TATDN1: variants seen among roughly 807,000 people sequenced by gnomAD.
TATDN1 encodes deoxyribonuclease TATDN1.
TATDN1 carries 40 observed loss-of-function variants against 46.4 expected under a neutral mutation model. The observed-to-expected ratio is 0.86, with a 90% confidence interval of 0.67 to 1.12. TATDN1 has a LOEUF of 1.12. TATDN1 is among the 50% of genes most tolerant of loss of function. The probability of loss-of-function intolerance (pLI) is 0.00; values close to 1 mark genes in which losing one functional copy is unlikely to be tolerated. For synonymous variants in TATDN1, 95 were observed against 105.6 expected (o/e 0.90, Z 0.62); for missense variants, 326 against 348.4 (o/e 0.94, Z 0.51).
At chr8:124,510,079 T>TA (rs1818879383) in intron 6 of TATDN1, among the ~76,000 whole-genome samples, 1 of 151,740 alleles carries the variant, frequency 6.6e-6, no homozygotes, top group Admixed American at 6.6e-5. Context: ...ATAGTCTTCC[T>TA]AAAATAGGTC....
intron 9 of TATDN1, among the ~76,000 whole-genome samples, chr8:124,500,201 A>T (rs920319507): frequency 6.6e-6 from 1 of 152,214 alleles, no homozygotes; most frequent in Non-Finnish European, 1.5e-5. Flanking sequence ...CAAAGACTTT[A>T]TGTAATATGC....
At position 124,515,250 on chromosome 8, in the gene TATDN1, A is replaced by G. The variant is rs552812629; in HGVS notation, c.389+496T>C. Among the ~76,000 whole-genome samples the G allele has an allele frequency of 1.1e-4, 17 of 152,272 alleles. No homozygotes were observed. The South Asian group carries it at 3.5e-3, about 32-fold the overall frequency. On this transcript the variant is annotated intron_variant, in intron 6 of 11. Coordinates refer to ENST00000276692, the MANE Select transcript of TATDN1 (RefSeq NM_032026.4). Reference sequence around the variant, plus strand: ...ATAAAAATTAGCCGGGCATGGTGGCACATGCCTGTAATCCCAGCTACTCGG... The same window carrying G: ...ATAAAAATTAGCCGGGCATGGTGGCGCATGCCTGTAATCCCAGCTACTCGG...
At chr8:124,491,745 A>G (rs565551052) in intron 11 of TATDN1, 2 of 152,336 alleles carry the variant, frequency 1.3e-5, no homozygotes, top group African/African-American at 4.8e-5. Flanking sequence ...CAAACAATGT[A>G]TATCTAAAAG....
At chr8:124,510,048 T>A (rs981597886) in intron 6 of TATDN1, among the ~76,000 whole-genome samples, 2 of 138,276 alleles carry the variant, frequency 1.4e-5, no homozygotes, top group African/African-American at 5.0e-5. Context: ...AAAAAAAAAA[T>A]TAAAAATTAA....
At chr8:124,530,502 T>C (rs72713095) in intron 1 of TATDN1, among the ~76,000 whole-genome samples, 3,384 of 152,220 alleles carry the variant, frequency 0.022, 102 homozygotes, top group South Asian at 0.13. Flanking sequence ...GTAAAAGGAA[T>C]GGAGGGAACA....
chr8:124,527,824 A>G (rs1270319315), intron 1 of TATDN1, among the ~76,000 whole-genome samples: 3 of 150,906 alleles, frequency 2.0e-5, no homozygotes, highest in Non-Finnish European at 4.4e-5. Flanking sequence ...ACGATAGCCA[A>G]TTGGACATCC....
Position 124,502,331 on chromosome 8 carries a change from A to G in TATDN1, c.593+1940T>C, listed in dbSNP as rs371075314. ...ACTCCAGCCTGGGCGACTGAGTGAGAGTCCCTCTCAAAAAAAAAAAAAAAA... is the reference window on the plus strand; with the variant it reads ...ACTCCAGCCTGGGCGACTGAGTGAGGGTCCCTCTCAAAAAAAAAAAAAAAA... On this transcript the variant is annotated intron_variant, in intron 9 of 11. Transcript: ENST00000276692. Among the ~76,000 whole-genome samples the G allele has an allele frequency of 2.3e-3, 336 of 145,986 alleles. 2 individuals are homozygous for G. The highest frequency in any genetic ancestry group is 0.012 in the Admixed American group (176 of 14,546).
intron 1 of TATDN1, among the ~76,000 whole-genome samples, chr8:124,525,988 A>G (rs544883735): frequency 1.3e-5 from 2 of 152,334 alleles, no homozygotes; most frequent in South Asian, 4.1e-4. Flanking sequence ...ACAGCAGTCC[A>G]AGCTCACTCC....
rs201105584 is a variant in TATDN1 at position 124,515,920 on chromosome 8, C to T, written c.313G>A (p.Gly105Arg). The stretch of plus-strand genomic sequence containing the variant: ...CATTCTCCTATTGCCACAACTTTCC[C>T]TTTATTGTTTTCAGCAAGATTTAGC... Reference protein sequence around the residue: ...ELLNLAENNKGKVVAIGECGL... With the variant: ...ELLNLAENNKRKVVAIGECGL... Residue 105 changes from glycine to arginine, a missense_variant, in exon 5 of 12, where the codon GGG becomes AGG. Physicochemically the swap from Gly to Arg is moderately radical, Grantham distance 125. Transcript: ENST00000276692. 5.6e-5 allele frequency: 90 copies of T among 1,613,922 alleles called. No homozygotes were observed. Among genetic ancestry groups the T allele is most frequent in the Non-Finnish European group, 7.5e-5 (88 of 1,179,994 alleles).
At chr8:124,521,550 A>C (rs1363775785) in intron 3 of TATDN1, 1 of 152,216 alleles carries the variant, frequency 6.6e-6, no homozygotes, top group Non-Finnish European at 1.5e-5. Flanking sequence ...TCACTTTCCA[A>C]AACAAGTTAT....
chr8:124,501,387 G>A (rs373647884), intron 9 of TATDN1, among the ~76,000 whole-genome samples: 26 of 152,074 alleles, frequency 1.7e-4, no homozygotes, highest in African/African-American at 5.1e-4. Flanking sequence ...TTGCTGGAAT[G>A]CCTTCTAGAG....
At chr8:124,518,139 G>A (rs1819659941) in intron 4 of TATDN1, among the ~76,000 whole-genome samples, 1 of 148,694 alleles carries the variant, frequency 6.7e-6, no homozygotes. Flanking sequence ...ATGAACCAGG[G>A]AGGTGGCGCG....
chr8:124,501,172 T>G (rs974938552), intron 9 of TATDN1, among the ~76,000 whole-genome samples: 3 of 152,176 alleles, frequency 2.0e-5, no homozygotes, highest in African/African-American at 4.8e-5. Flanking sequence ...GGCAGCCCAC[T>G]AAACAGTGAG....
At chr8:124,527,279 A>T (rs1297331160) in intron 1 of TATDN1, among the ~76,000 whole-genome samples, 3 of 152,250 alleles carry the variant, frequency 2.0e-5, no homozygotes, top group Non-Finnish European at 2.9e-5. Flanking sequence ...GAGACTTAAC[A>T]TTAAAATGCA....
chr8:124,493,620 T>G (rs1358047144), intron 11 of TATDN1, among the ~76,000 whole-genome samples: 2 of 152,256 alleles, frequency 1.3e-5, no homozygotes, highest in African/African-American at 4.8e-5. Flanking sequence ...GCTAAGGCTT[T>G]CTTGTTACCA....
intron 6 of TATDN1, among the ~76,000 whole-genome samples, chr8:124,513,351 A>G (rs1819193854): frequency 6.6e-6 from 1 of 152,212 alleles, no homozygotes; most frequent in Admixed American, 6.5e-5. Context: ...ATATGCTGTC[A>G]CCTTAGAGCA....
intron 4 of TATDN1, 69 bp downstream of exon 4, chr8:124,518,749 A>G (rs1350421981): frequency 1.9e-6 from 2 of 1,070,220 alleles, no homozygotes; most frequent in South Asian, 2.6e-5. Flanking sequence ...TACCTGAAGC[A>G]GTTTTCAGAA....
chr8:124,507,304 ACT>A (rs1818548228), intron 8 of TATDN1, among the ~76,000 whole-genome samples: 1 of 152,306 alleles, frequency 6.6e-6, no homozygotes, highest in Non-Finnish European at 1.5e-5. Flanking sequence ...AAGGAGAATG[ACT>A]CTCTAGATCA....
chr8:124,529,399 A>G (rs1452247890), intron 1 of TATDN1, among the ~76,000 whole-genome samples: 1 of 152,152 alleles, frequency 6.6e-6, no homozygotes, highest in Non-Finnish European at 1.5e-5. Flanking sequence ...CAGACCTTTT[A>G]GTTTAATAAT....
Sources: gnomAD v4.1 joint callset for allele counts (sites outside exome capture counted in the v4.1 genomes callset) on GRCh38, gnomAD v4.1.1 for gene constraint, MANE v1.5 for transcripts, NCBI Gene and HGNC (gene_info 2026-07-23, HGNC 2026-07-21) for gene names.